The following DNAJA4 variants were observed in gnomAD, a reference collection of about 807,000 sequenced individuals.
The protein encoded by DNAJA4 is DnaJ heat shock protein family (Hsp40) member A4.
DNAJA4 carries 32 observed loss-of-function variants against 39.7 expected under a neutral mutation model. That is an observed-to-expected ratio of 0.81 (90% CI 0.61 to 1.08). DNAJA4 has a LOEUF of 1.08. Among genes scored for constraint, DNAJA4 ranks in the 50% least tolerant of loss-of-function variants. The pLI is 0.00. For missense variants in DNAJA4, 439 were observed against 505.1 expected (o/e 0.87, Z 1.25); for synonymous variants, 184 against 182.4 (o/e 1.01, Z -0.07).
At chr15:78,267,152 G>GT (rs1491536730) in intron 1 of DNAJA4, among the ~76,000 whole-genome samples, 25 of 149,890 alleles carry the variant, frequency 1.7e-4, no homozygotes, top group African/African-American at 6.0e-4. Flanking sequence ...GTGTGTGTGT[G>GT]AGTGTGTATG....
intron 5 of DNAJA4, among the ~76,000 whole-genome samples, chr15:78,278,981 C>CAA (rs34340897): frequency 3.7e-4 from 55 of 149,658 alleles, no homozygotes; most frequent in Non-Finnish European, 5.2e-4. Flanking sequence ...GACTGTATTT[C>CAA]AAAAAAAAAG....
chr15:78,266,127 G>C, intron 1 of DNAJA4: 1 of 1,071,582 alleles, frequency 9.3e-7, no homozygotes, highest in Non-Finnish European at 1.4e-6. Context: ...CGTTTTACAT[G>C]GTGCTGGTGA....
At chr15:78,275,199 C>A in intron 4 of DNAJA4, 1 of 398,210 alleles carries the variant, frequency 2.5e-6, no homozygotes, top group Non-Finnish European at 4.6e-6. Flanking sequence ...GGCGGTGACC[C>A]TATGCTGGTG....
At chr15:78,270,915 C>T (rs980441851) in intron 2 of DNAJA4, among the ~76,000 whole-genome samples, 3 of 152,122 alleles carry the variant, frequency 2.0e-5, no homozygotes, top group African/African-American at 4.8e-5. Flanking sequence ...AAATAAAAAA[C>T]TTAGCCAGGC....
At chr15:78,273,308 G>A (rs1328042689) in intron 3 of DNAJA4, 109 bp downstream of exon 3, 1 of 724,178 alleles carries the variant, frequency 1.4e-6, no homozygotes, top group African/African-American at 1.8e-5. Flanking sequence ...AAATGCAAGG[G>A]TCAAGCAGAG....
At chr15:78,277,800 G>C (rs376186766) in intron 5 of DNAJA4, 4 of 349,024 alleles carry the variant, frequency 1.1e-5, no homozygotes, top group African/African-American at 6.4e-5. Flanking sequence ...TGGAGAAAGA[G>C]CCCCAGAGGG....
chr15:78,265,725 TC>T (rs757522187), intron 1 of DNAJA4: 1 of 690,894 alleles, frequency 1.4e-6, no homozygotes, highest in South Asian at 1.5e-5. Context: ...CTGCTAACCC[TC>T]CCGTTCCTCC....
chr15:78,274,895 C>CTAT (rs2049406164), intron 4 of DNAJA4: 2 of 182,124 alleles, frequency 1.1e-5, no homozygotes. Context: ...CCTTCTCCTG[C>CTAT]TATTCATTTT....
chr15:78,273,730 A>G (rs2049366348), intron 3 of DNAJA4, among the ~76,000 whole-genome samples: 1 of 152,218 alleles, frequency 6.6e-6, no homozygotes, highest in African/African-American at 2.4e-5. Flanking sequence ...ACTTAAATGT[A>G]TATATAATTA....
chr15:78,279,955 T>C lies in DNAJA4; in HGVS notation c.878-90T>C. On this transcript the variant is annotated intron_variant, in intron 5 of 6. Transcript: ENST00000394852. This position sits in a 1 kb window ranked among gnomAD's most constrained non-coding sequence, Gnocchi z 4.5. ...TCCTTTGCCCACTGCCACGGGGCAC[T>C]AGGGCCTGCCGCAGGCTCTCCCATG... 7.8e-7 allele frequency: 1 copy of C among 1,285,126 alleles called. No individual in the cohort carries two copies. The highest frequency in any genetic ancestry group is 1.1e-6 in the Non-Finnish European group (1 of 904,568). The allele number at this position is 1,285,126 out of a possible 1,614,324, so 79.6% of individuals were successfully genotyped here.
At position 78,280,153 on chromosome 15, in the gene DNAJA4, C is replaced by T; in HGVS notation, c.978+8C>T. ...CTGATCATACAGTTTTTAGTAAGTT[C>T]ACTATGTTTCATTGTCATGGACATA... On this transcript the variant is annotated splice_region_variant and intron_variant, in intron 6 of 6. Transcript: ENST00000394852. The T allele has an allele frequency of 6.2e-7, 1 of 1,613,562 alleles. No homozygotes were observed. Among genetic ancestry groups the T allele is most frequent in the Non-Finnish European group, 8.5e-7 (1 of 1,179,474 alleles).
rs33990133 is a variant in DNAJA4, at chr15:78,278,826, ATTTTT to A, written c.878-1199_878-1195del. ...ACCACCATTCCTGGCTAGTTTTTCT[ATTTTT>A]TTTTTTTTTTTTTTTTTTTAGTAGA... is the stretch of plus-strand genomic sequence containing the variant. On this transcript the variant is annotated intron_variant, in intron 5 of 6. Transcript: ENST00000394852. Among the ~76,000 whole-genome samples the A allele has an allele frequency of 3.1e-3, 275 of 87,484 alleles. 1 individual carries two copies. The highest frequency in any genetic ancestry group is 4.6e-3 in the Non-Finnish European group (221 of 47,786). 57.4% of individuals were successfully genotyped at this position (87,484 alleles called of 152,430 possible).
upstream of DNAJA4, chr15:78,264,436 C>A (rs1252926154): frequency 1.3e-5 from 17 of 1,333,258 alleles, no homozygotes; most frequent in South Asian, 2.6e-4. Context: ...GGGGTCTGGG[C>A]CGCGAACCCG....
At chr15:78,274,750 T>A in intron 4 of DNAJA4, 1 of 373,872 alleles carries the variant, frequency 2.7e-6, no homozygotes. Flanking sequence ...GCCATTCCTC[T>A]AGAATCTTTC....
chr15:78,273,208 T>A lies in DNAJA4; in HGVS notation c.418+9T>A. On this transcript the variant is annotated intron_variant, in intron 3 of 6. Coordinates refer to ENST00000394852, the MANE Select transcript of DNAJA4 (RefSeq NM_001130182.2). Reference sequence around the variant, plus strand: ...TTGTGAGAAATGTGAAGGTAAAAATTAATTTTTGACTGAACCGCACAGTTC... The same window carrying A: ...TTGTGAGAAATGTGAAGGTAAAAATAAATTTTTGACTGAACCGCACAGTTC... 6.6e-7 allele frequency: 1 copy of A among 1,514,480 alleles called. No homozygotes were observed. The highest frequency in any genetic ancestry group is 9.2e-7 in the Non-Finnish European group (1 of 1,088,910). 93.8% of individuals were successfully genotyped at this position (1,514,480 alleles called of 1,614,324 possible).
chr15:78,276,406 G>T (rs2049459400), intron 5 of DNAJA4, among the ~76,000 whole-genome samples: 1 of 152,208 alleles, frequency 6.6e-6, no homozygotes, highest in South Asian at 2.1e-4. Context: ...GGGTTCCTGA[G>T]GCCTGAGCTC....
At chr15:78,270,245 C>A in intron 1 of DNAJA4, 1 of 364,206 alleles carries the variant, frequency 2.7e-6, no homozygotes, top group South Asian at 5.5e-5. Flanking sequence ...CTTTCCCTCT[C>A]TACTGGCTTC....
At chr15:78,265,630 T>C in intron 1 of DNAJA4, 1 of 702,382 alleles carries the variant, frequency 1.4e-6, no homozygotes, top group Non-Finnish European at 2.6e-6. Context: ...CCATCCTGTT[T>C]ACAGAAAGTT....
At position 78,279,331 on chromosome 15, in the gene DNAJA4, C is replaced by G. The variant is rs935242688; in HGVS notation, c.878-714C>G. 1 of 152,258 alleles carries G rather than the reference C, an allele frequency of 6.6e-6. No homozygotes were observed. Among genetic ancestry groups the G allele is most frequent in the Non-Finnish European group, 1.5e-5 (1 of 68,080 alleles). 9.4% of individuals were successfully genotyped at this position (152,258 alleles called of 1,614,324 possible). ...GCTGAAGAGCATGCTTTATCAGAAA[C>G]CCTTTTGTCCCTTTCCTTTTCCATG... On this transcript the variant is annotated intron_variant, in intron 5 of 6. Coordinates refer to ENST00000394852, the MANE Select transcript of DNAJA4 (RefSeq NM_001130182.2). This position sits in a 1 kb window ranked among gnomAD's most constrained non-coding sequence, Gnocchi z 4.5.
Sources: allele counts gnomAD v4.1 joint callset (sites outside exome capture counted in the v4.1 genomes callset), GRCh38; gene constraint gnomAD v4.1.1; non-coding constraint Gnocchi (gnomAD v3.1); transcripts MANE v1.5; gene names NCBI Gene and HGNC (gene_info 2026-07-23, HGNC 2026-07-21).